The following PPARG variants were observed in gnomAD, a reference collection of about 807,000 sequenced individuals.
PPARG encodes the protein peroxisome proliferator activated receptor gamma.
In PPARG, 17 loss-of-function variants were observed where a neutral mutation model predicts 39.2. The ratio of observed to expected loss-of-function variants is 0.43; its 90% CI spans 0.30 to 0.65. The LOEUF is 0.65. PPARG is among the 30% of genes least tolerant of loss of function. PPARG has a pLI of 0.13. For missense variants in PPARG, 406 were observed against 585.9 expected (o/e 0.69, Z 3.17); for synonymous variants, 223 against 215.7 (o/e 1.03, Z -0.30).
chr3:12,406,221 T>C, intron 6 of PPARG, 140 bp downstream of exon 6: 1 of 886,924 alleles, frequency 1.1e-6, no homozygotes. Context: ...TATTGCAGGC[T>C]GAGTCTGAAA....
Position 12,417,038 on chromosome 3 carries a change from G to A in PPARG, c.1064G>A (p.Arg355Gln), listed in dbSNP as rs140204299. The A allele has an allele frequency of 7.4e-6, 12 of 1,612,956 alleles. No individual in the cohort carries two copies. Among genetic ancestry groups the A allele is most frequent in the African/African-American group, 1.3e-5 (1 of 74,816 alleles). ...FMTREFLKSL[R>Q]KPFGDFMEPK... ...ACAAGGGAGTTTCTAAAGAGCCTGC[G>A]AAAGCCTTTTGGTGACTTTATGGAG... The change falls in exon 7 of 8, where the codon CGA becomes CAA. Residue 355 changes from arginine to glutamine, a missense_variant. Arg to Gln is a conservative substitution (Grantham distance 43). Transcript: ENST00000651735.
chr3:12,352,321 A>G (rs1360266350), intron 2 of PPARG, among the ~76,000 whole-genome samples: 1 of 152,220 alleles, frequency 6.6e-6, no homozygotes, highest in African/African-American at 2.4e-5. Flanking sequence ...TTATGCATAA[A>G]GAAAATGAGG....
chr3:12,408,752 C>T (rs777110686), intron 6 of PPARG, among the ~76,000 whole-genome samples: 3 of 151,808 alleles, frequency 2.0e-5, no homozygotes, highest in Middle Eastern at 3.4e-3. Context: ...TGCTTTCTCA[C>T]CTTCTTTTCA....
intron 7 of PPARG, among the ~76,000 whole-genome samples, chr3:12,429,898 T>G (rs2051597517): frequency 6.6e-6 from 1 of 152,206 alleles, no homozygotes; most frequent in Non-Finnish European, 1.5e-5. Context: ...TTGTTCCTTC[T>G]CAGAATCTGA....
intron 1 of PPARG, among the ~76,000 whole-genome samples, chr3:12,297,085 G>A (rs372571506): frequency 1.3e-5 from 2 of 152,240 alleles, no homozygotes; most frequent in South Asian, 2.1e-4. Context: ...AGGAAAAGCC[G>A]TATACACGAA....
chr3:12,320,547 G>A (rs1169207306), intron 2 of PPARG, among the ~76,000 whole-genome samples: 3 of 152,128 alleles, frequency 2.0e-5, no homozygotes, highest in Admixed American at 6.5e-5. Context: ...AGAAATATAG[G>A]CCAGACACAG....
intron 2 of PPARG, among the ~76,000 whole-genome samples, chr3:12,334,195 G>T (rs1237730554): frequency 2.6e-5 from 4 of 151,110 alleles, no homozygotes; most frequent in African/African-American, 9.7e-5. Flanking sequence ...AAAAAAGTTT[G>T]TTGACTTGGC....
At chr3:12,321,494 C>A (rs1010920841) in intron 2 of PPARG, among the ~76,000 whole-genome samples, 1 of 152,154 alleles carries the variant, frequency 6.6e-6, no homozygotes, top group Admixed American at 6.5e-5. Context: ...ACCTACTGAT[C>A]GCTGCTACTA....
chr3:12,368,200 C>G (rs2972168), intron 2 of PPARG, among the ~76,000 whole-genome samples: 138,117 of 139,748 alleles, frequency 0.99, 68,243 homozygotes, highest in Middle Eastern at 1. Flanking sequence ...GTTTTTTTTT[C>G]AGACAGTGTC....
chr3:12,396,153 G>T (rs1212202679), intron 5 of PPARG, among the ~76,000 whole-genome samples: 1 of 151,252 alleles, frequency 6.6e-6, no homozygotes, highest in African/African-American at 2.4e-5. Flanking sequence ...ATGGAGTCTC[G>T]CTCTGTCGCC....
chr3:12,431,495 T>C (rs1298856545), intron 7 of PPARG, among the ~76,000 whole-genome samples: 1 of 152,130 alleles, frequency 6.6e-6, no homozygotes, highest in Non-Finnish European at 1.5e-5. Flanking sequence ...AAGAAAGTTT[T>C]AAAAAGGAAT....
intron 2 of PPARG, among the ~76,000 whole-genome samples, chr3:12,316,677 C>G (rs1446618675): frequency 6.6e-6 from 1 of 150,706 alleles, no homozygotes; most frequent in Non-Finnish European, 1.5e-5. Flanking sequence ...GTGTCTGGCT[C>G]TAAGGGGAAT....
At chr3:12,371,948 T>G in intron 2 of PPARG, 1 of 715,012 alleles carries the variant, frequency 1.4e-6, no homozygotes. Context: ...GATCTTGATC[T>G]GCATGAATCA....
At chr3:12,381,236 G>A (rs2049641452) in intron 3 of PPARG, 86 bp from the exon 4 acceptor site, 5 of 1,255,678 alleles carry the variant, frequency 4.0e-6, no homozygotes, top group East Asian at 2.4e-5. Flanking sequence ...AATACAGCAT[G>A]AAGGTGTACT....
chr3:12,420,467 T>A (rs1407803659), intron 7 of PPARG, among the ~76,000 whole-genome samples: 1 of 152,240 alleles, frequency 6.6e-6, no homozygotes, highest in Non-Finnish European at 1.5e-5. Context: ...AGTCTATCAG[T>A]TACTTTGGTG....
chr3:12,326,723 T>A (rs1418592257), intron 2 of PPARG, among the ~76,000 whole-genome samples: 1 of 136,762 alleles, frequency 7.3e-6, no homozygotes, highest in South Asian at 2.1e-4. Flanking sequence ...TTTGTTTATG[T>A]GAGATATATA....
Position 12,350,940 on chromosome 3 carries a change from G to A in PPARG, c.-8-28764G>A, listed in dbSNP as rs1489740585. On this transcript the variant is annotated intron_variant, in intron 2 of 7. Transcript: ENST00000651735. ...TATTTAATTTTACAGAATTTAGATA[G>A]CAGTCAGTATCATTTTGGGCTTCAC... Among the ~76,000 whole-genome samples the A allele has an allele frequency of 2.0e-5, 3 of 152,212 alleles. No individual in the cohort carries two copies. The South Asian group carries it at 6.2e-4, about 32-fold the overall frequency.
intron 2 of PPARG, among the ~76,000 whole-genome samples, chr3:12,353,425 CA>C: frequency 6.6e-6 from 1 of 152,254 alleles, no homozygotes; most frequent in Non-Finnish European, 1.5e-5. Context: ...TCTTCCAAAA[CA>C]GACAGACTTA....
chr3:12,297,384 G>A (rs1173578670), intron 1 of PPARG, among the ~76,000 whole-genome samples: 4 of 152,118 alleles, frequency 2.6e-5, no homozygotes, highest in East Asian at 1.9e-4. Context: ...GATATGGAGG[G>A]CTTTTTGTTT....
Sources: allele counts gnomAD v4.1 joint callset (sites outside exome capture counted in the v4.1 genomes callset), GRCh38; gene constraint gnomAD v4.1.1; transcripts MANE v1.5; gene names NCBI Gene and HGNC (gene_info 2026-07-23, HGNC 2026-07-21).